The following RALB variants were observed in gnomAD, a reference collection of about 807,000 sequenced individuals.
RALB encodes the protein ras-related protein Ral-B.
A neutral mutation model predicts 21.3 loss-of-function variants in RALB; 16 were observed. That is an observed-to-expected ratio of 0.75 (90% CI 0.51 to 1.14). The LOEUF is 1.14. Among genes scored for constraint, RALB ranks in the 50% most tolerant of loss-of-function variants. The pLI, the probability that RALB is intolerant of heterozygous loss-of-function variation, is 0.00. For missense variants in RALB, 161 were observed against 256.2 expected, an observed-to-expected ratio of 0.63 and a Z score of 2.54; for synonymous variants, 93 against 96.1, an observed-to-expected ratio of 0.97 and a Z score of 0.19.
chr2:120,290,221 T>C (rs1445216684), intron 4 of RALB, among the ~76,000 whole-genome samples: 1 of 152,212 alleles, frequency 6.6e-6, no homozygotes, highest in Non-Finnish European at 1.5e-5. Flanking sequence ...ATTCCTGGGC[T>C]CAAGTGATCT....
chr2:120,276,566 G>T (rs978321761), intron 1 of RALB, among the ~76,000 whole-genome samples: 4 of 151,400 alleles, frequency 2.6e-5, no homozygotes, highest in African/African-American at 9.7e-5. Context: ...TCGTTCCATT[G>T]CACTCCAGCC....
chr2:120,278,020 A>G (rs1689882410), intron 1 of RALB, among the ~76,000 whole-genome samples: 1 of 108,016 alleles, frequency 9.3e-6, no homozygotes, highest in African/African-American at 4.0e-5. Context: ...AGCATGTGTG[A>G]ATGTGAATGT....
chr2:120,274,220 A>G (rs745882762), intron 1 of RALB, among the ~76,000 whole-genome samples: 1 of 152,142 alleles, frequency 6.6e-6, no homozygotes, highest in Non-Finnish European at 1.5e-5. Flanking sequence ...ATGAGGCCAG[A>G]AGTAGTTTCA....
At chr2:120,268,687 A>G (rs1689566176) in intron 1 of RALB, among the ~76,000 whole-genome samples, 1 of 152,164 alleles carries the variant, frequency 6.6e-6, no homozygotes, top group Admixed American at 6.5e-5. Context: ...ATAAATAATT[A>G]AGATCCACTC....
chr2:120,248,784 A>G (rs531736701), upstream of RALB, among the ~76,000 whole-genome samples: 99 of 151,188 alleles, frequency 6.5e-4, no homozygotes, highest in Non-Finnish European at 1.3e-3. Flanking sequence ...TCAATCTCCT[A>G]CCTCAGCCTC....
intron 1 of RALB, among the ~76,000 whole-genome samples, chr2:120,277,358 TGA>T (rs1358970604): frequency 1.6e-4 from 13 of 79,480 alleles, no homozygotes; most frequent in South Asian, 7.0e-4. Flanking sequence ...AACATGTGTG[TGA>T]GAGCATGTGT....
chr2:120,293,564 A>G lies in RALB; in HGVS notation c.*304A>G, dbSNP rs17050087. On this transcript the variant is annotated 3_prime_UTR_variant, in exon 5 of 5. Coordinates refer to ENST00000272519, the MANE Select transcript of RALB (RefSeq NM_002881.3). ...GAAACAGCTGTTAATTACAAAGAGA[A>G]AGAATTGTCATAGCATCTTATTTTG... 9.4e-3 allele frequency: 1,763 copies of G among 187,358 alleles called. 35 individuals are homozygous for G. Among genetic ancestry groups the G allele is most frequent in the African/African-American group, 0.039 (1,666 of 42,538 alleles). 11.6% of individuals were successfully genotyped at this position (187,358 alleles called of 1,614,324 possible). A position where few individuals can be genotyped will look rare whatever the true frequency, so the allele number is the denominator to read the frequency against.
chr2:120,287,887 C>T (rs1324318283), intron 3 of RALB, among the ~76,000 whole-genome samples: 4 of 152,220 alleles, frequency 2.6e-5, no homozygotes, highest in Admixed American at 1.3e-4. Flanking sequence ...ATTATCTGAG[C>T]CCTGTGGCTA....
rs560377884 is a variant in RALB at position 120,276,158 on chromosome 2, C to T, written c.-47-2460C>T. On this transcript the variant is annotated intron_variant, in intron 1 of 4. Coordinates refer to ENST00000272519, the MANE Select transcript of RALB (RefSeq NM_002881.3). The stretch of plus-strand genomic sequence containing the variant: ...GGGGAGGTGGAACCACCATGGTGGA[C>T]CTGCCTGGCCCCAGGTAGCCCTTCT... Among the ~76,000 whole-genome samples, 4 of 152,348 alleles carry T rather than the reference C, an allele frequency of 2.6e-5. No homozygotes were observed. The South Asian group carries it at 8.3e-4, about 32-fold the overall frequency.
At chr2:120,256,051 C>T (rs1200880291) in intron 1 of RALB, among the ~76,000 whole-genome samples, 1 of 151,314 alleles carries the variant, frequency 6.6e-6, no homozygotes, top group African/African-American at 2.4e-5. Context: ...CCAAACTTAG[C>T]AGCTTAAAAC....
intron 1 of RALB, among the ~76,000 whole-genome samples, chr2:120,260,255 G>A (rs1406163177): frequency 6.6e-6 from 1 of 152,256 alleles, no homozygotes; most frequent in Non-Finnish European, 1.5e-5. Flanking sequence ...GGGAGCCCAG[G>A]CAGGGGAGGT....
intron 1 of RALB, among the ~76,000 whole-genome samples, chr2:120,254,746 C>T (rs1689154929): frequency 6.6e-6 from 1 of 152,122 alleles, no homozygotes; most frequent in Non-Finnish European, 1.5e-5. Flanking sequence ...GGTGTGATCA[C>T]CGCTCACTGC....
chr2:120,250,973 GAGA>G (rs1346925402), upstream of RALB, among the ~76,000 whole-genome samples: 1 of 152,214 alleles, frequency 6.6e-6, no homozygotes, highest in African/African-American at 2.4e-5. Flanking sequence ...TAGGCAGGCA[GAGA>G]ATGAAAGCAG....
At chr2:120,284,203 C>T (rs754283800) in intron 2 of RALB, among the ~76,000 whole-genome samples, 1 of 152,160 alleles carries the variant, frequency 6.6e-6, no homozygotes, top group East Asian at 1.9e-4. Context: ...TGAAGAGAAC[C>T]TAATACTAAA....
At chr2:120,270,600 A>G (rs558100863) in intron 1 of RALB, among the ~76,000 whole-genome samples, 3 of 101,480 alleles carry the variant, frequency 3.0e-5, no homozygotes, top group South Asian at 6.0e-4. Flanking sequence ...ACAATGGAAA[A>G]TAACTGGTTA....
chr2:120,248,830 T>C (rs1476042792), upstream of RALB, among the ~76,000 whole-genome samples: 1 of 152,054 alleles, frequency 6.6e-6, no homozygotes, highest in Middle Eastern at 3.2e-3. Flanking sequence ...CACCACTGTC[T>C]GGCTAATTTT....
At chr2:120,242,873 C>T (rs1486893118) in intron 1 of RALB, among the ~76,000 whole-genome samples, 1 of 152,060 alleles carries the variant, frequency 6.6e-6, no homozygotes, top group Non-Finnish European at 1.5e-5. Flanking sequence ...GCCATGAGTT[C>T]GAGACTAGCC....
At position 120,293,099 on chromosome 2, in the gene RALB, CT is replaced by C. The variant is rs752939027; in HGVS notation, c.502-39del. On this transcript the variant is annotated intron_variant, in intron 4 of 4. Coordinates refer to ENST00000272519, the MANE Select transcript of RALB (RefSeq NM_002881.3). ...AAAAGAAAAAAATCATTAAATGGCTCTTTCTTCACTATTCTTTTTACTCTTT... is the reference window on the plus strand; with the variant it reads ...AAAAGAAAAAAATCATTAAATGGCTCTTCTTCACTATTCTTTTTACTCTTT... 34 of 1,538,768 alleles carry C rather than the reference CT, an allele frequency of 2.2e-5. No individual in the cohort carries two copies. In the South Asian group the frequency reaches 3.9e-4, roughly 18 times the overall value.
chr2:120,248,321 C>T (rs1322589337), upstream of RALB, among the ~76,000 whole-genome samples: 3 of 152,174 alleles, frequency 2.0e-5, no homozygotes, highest in Admixed American at 6.5e-5. Context: ...AGCAAGTCTC[C>T]ACTGCTGGCT....
Sources: allele counts gnomAD v4.1 joint callset (sites outside exome capture counted in the v4.1 genomes callset), GRCh38; gene constraint gnomAD v4.1.1; transcripts MANE v1.5; gene names NCBI Gene and HGNC (gene_info 2026-07-23, HGNC 2026-07-21).